CC2D2A: variants seen among roughly 807,000 people sequenced by gnomAD.
CC2D2A encodes the protein coiled-coil and C2 domain containing 2A, also known as coiled-coil and C2 domain-containing protein 2A.
Under a neutral mutation model 212.9 loss-of-function variants are expected in CC2D2A, and 155 were observed. The observed-to-expected ratio is 0.73, with a 90% confidence interval of 0.64 to 0.83. The LOEUF is 0.83. Ranked by LOEUF, CC2D2A falls within the 40% of genes least tolerant of loss-of-function variation. CC2D2A has a pLI of 0.00. For missense variants in CC2D2A, 1,856 were observed against 1,956.2 expected (o/e 0.95, Z 0.97); for synonymous variants, 667 against 686.5 (o/e 0.97, Z 0.44).
At position 15,523,807 on chromosome 4, in the gene CC2D2A, A is replaced by G. The variant is rs993053590; in HGVS notation, c.1150-3640A>G. Among the ~76,000 whole-genome samples the G allele has an allele frequency of 3.9e-5, 6 of 152,322 alleles. No homozygotes were observed. In the East Asian group the frequency reaches 1.2e-3, roughly 29 times the overall value. Reference sequence around the variant, plus strand: ...GCAGGCATGACAGAATTCTCTACACATAAGGGGATGTGTCCTTTGATAGCC... The same window carrying G: ...GCAGGCATGACAGAATTCTCTACACGTAAGGGGATGTGTCCTTTGATAGCC... On this transcript the variant is annotated intron_variant, in intron 11 of 36. Coordinates refer to ENST00000424120, the MANE Select transcript of CC2D2A (RefSeq NM_001378615.1).
intron 36 of CC2D2A, 110 bp downstream of exon 36, chr4:15,599,816 C>T (rs1171913272): frequency 7.9e-6 from 6 of 761,712 alleles, no homozygotes; most frequent in Middle Eastern, 3.1e-4. Flanking sequence ...CCCAGAAGTA[C>T]ATATTTAAAG....
chr4:15,536,259 G>A (rs921314806), intron 14 of CC2D2A, among the ~76,000 whole-genome samples: 1 of 143,108 alleles, frequency 7.0e-6, no homozygotes, highest in Non-Finnish European at 1.5e-5. Flanking sequence ...ATTGAACAAT[G>A]AGAACACGTG....
At chr4:15,500,107 G>GACA (rs1553823472) in intron 4 of CC2D2A, among the ~76,000 whole-genome samples, 29 of 112,920 alleles carry the variant, frequency 2.6e-4, no homozygotes, top group African/African-American at 1.0e-3. Flanking sequence ...GTGTGTGTGT[G>GACA]TATATATATA....
rs1190474273 is a variant in CC2D2A at position 15,514,815 on chromosome 4, C to T, written c.826C>T (p.His276Tyr). 1 of 1,613,920 alleles carries T rather than the reference C, an allele frequency of 6.2e-7. No individual in the cohort carries two copies. Residue 276 changes from histidine to tyrosine, a missense_variant, in exon 9 of 37, where the codon CAT (histidine) becomes TAT (tyrosine). Transcript: ENST00000424120. The part of the protein sequence containing the change: ...AVRPADYESI[H>Y]DRLQMEREML... ...CAGACCTGCAGATTATGAAAGCATC[C>T]ATGATCGGCTGCAGATGGAAAGAGA... is the stretch of plus-strand genomic sequence containing the variant.
intron 4 of CC2D2A, among the ~76,000 whole-genome samples, chr4:15,490,181 T>C (rs1394597123): frequency 3.3e-5 from 5 of 152,202 alleles, no homozygotes; most frequent in African/African-American, 1.2e-4. Context: ...AATTCACCCA[T>C]TGTTAGTGTA....
intron 34 of CC2D2A, 118 bp from the exon 35 acceptor site, chr4:15,597,289 T>C: frequency 2.7e-6 from 2 of 751,630 alleles, no homozygotes; most frequent in South Asian, 1.6e-5. Flanking sequence ...CAGCATGCAT[T>C]ATATTATTTT....
chr4:15,580,630 T>C (rs903824897), intron 30 of CC2D2A, among the ~76,000 whole-genome samples: 3 of 105,812 alleles, frequency 2.8e-5, no homozygotes, highest in African/African-American at 1.1e-4. Flanking sequence ...AGAGCAAGAC[T>C]CTGTCTCAAA....
intron 6 of CC2D2A, among the ~76,000 whole-genome samples, chr4:15,504,771 G>C (rs1306425855): frequency 6.6e-6 from 1 of 152,120 alleles, no homozygotes; most frequent in East Asian, 1.9e-4. Flanking sequence ...AACATCAACT[G>C]CTTTGTCTTT....
At chr4:15,503,526 A>G (rs899846673) in intron 6 of CC2D2A, among the ~76,000 whole-genome samples, 1 of 152,220 alleles carries the variant, frequency 6.6e-6, no homozygotes, top group African/African-American at 2.4e-5. Flanking sequence ...TCCCAGCTCT[A>G]TATCATTTCC....
At chr4:15,593,752 G>A (rs941012307) in intron 33 of CC2D2A, among the ~76,000 whole-genome samples, 7 of 152,010 alleles carry the variant, frequency 4.6e-5, no homozygotes, top group Admixed American at 2.0e-4. Context: ...TATACCCAGC[G>A]TCCAACCACA....
At chr4:15,484,378 G>T (rs1000520715) in intron 4 of CC2D2A, among the ~76,000 whole-genome samples, 5 of 152,194 alleles carry the variant, frequency 3.3e-5, no homozygotes, top group Admixed American at 3.3e-4. Flanking sequence ...AGCCTAGTGG[G>T]CCCTTTGACT....
At chr4:15,494,165 C>T (rs2108989712) in intron 4 of CC2D2A, among the ~76,000 whole-genome samples, 1 of 152,314 alleles carries the variant, frequency 6.6e-6, no homozygotes. Flanking sequence ...TTTGGAGCCT[C>T]ATGCCCTGTG....
intron 13 of CC2D2A, 42 bp from the exon 14 acceptor site, chr4:15,533,151 C>T (rs781706261): frequency 2.0e-6 from 3 of 1,508,226 alleles, no homozygotes; most frequent in Non-Finnish European, 2.7e-6. Context: ...GCAAACACAC[C>T]TGACTTTTTA....
Position 15,580,113 on chromosome 4 carries a change from C to G in CC2D2A, c.3917C>G (p.Pro1306Arg). ...KTVFITRYLK[P>R]LNPPQELLNV... ...GTTTTTATCACACGTTATCTCAAAC[C>G]TTTAAACCCTCCTCAGGAGCTCCTT... is the stretch of plus-strand genomic sequence containing the variant. Residue 1306 changes from proline to arginine, a missense_variant, in exon 30 of 37, where the codon CCT (proline) becomes CGT (arginine). This residue lies in a region of CC2D2A where 20 missense variants were observed against 46.9 expected (regional missense o/e 0.43). Transcript: ENST00000424120. 6.2e-6 allele frequency: 10 copies of G among 1,613,868 alleles called. No homozygotes were observed. The highest frequency in any genetic ancestry group is 8.5e-6 in the Non-Finnish European group (10 of 1,179,846).
chr4:15,601,109 C>G, intron 36 of CC2D2A, 128 bp from the exon 37 acceptor site: 1 of 766,296 alleles, frequency 1.3e-6, no homozygotes, highest in Non-Finnish European at 2.1e-6. Context: ...TAATAAAAAG[C>G]TGAGTAGAAA....
intron 11 of CC2D2A, among the ~76,000 whole-genome samples, chr4:15,526,475 A>T (rs779015492): frequency 2.0e-5 from 3 of 152,206 alleles, no homozygotes; most frequent in Admixed American, 6.5e-5. Flanking sequence ...TTTGCTGAAC[A>T]TGTTACCCAT....
intron 6 of CC2D2A, among the ~76,000 whole-genome samples, chr4:15,509,533 C>T (rs995151568): frequency 3.9e-5 from 6 of 152,174 alleles, no homozygotes; most frequent in African/African-American, 1.4e-4. Flanking sequence ...CTCGGCCTCC[C>T]AAAGTGCTGG....
chr4:15,555,519 G>T (rs866252722), intron 20 of CC2D2A, among the ~76,000 whole-genome samples: 1 of 152,132 alleles, frequency 6.6e-6, no homozygotes, highest in Non-Finnish European at 1.5e-5. Flanking sequence ...AAGGAGGATC[G>T]CTTGAGCCCA....
Position 15,601,241 on chromosome 4 carries a change from C to T in CC2D2A, c.4679C>T (p.Ser1560Phe), listed in dbSNP as rs1420190280. The T allele has an allele frequency of 3.1e-6, 5 of 1,611,750 alleles. No homozygotes were observed. The highest frequency in any genetic ancestry group is 2.7e-5 in the African/African-American group (2 of 74,884). ...ACAAATGTTTTTTCCCTTCAGTTCTCTGGATTTCCTCTTCACATGCCTTAT... is the reference window on the plus strand; with the variant it reads ...ACAAATGTTTTTTCCCTTCAGTTCTTTGGATTTCCTCTTCACATGCCTTAT... ...LLKQLGDYRF[S>F]GFPLHMPYSE... is the part of the protein sequence containing the mutation. The change falls in exon 37 of 37, where the codon TCT becomes TTT. Residue 1560 changes from serine to phenylalanine, a missense_variant. Physicochemically the swap from Ser to Phe is radical, Grantham distance 155. This residue lies in a region of CC2D2A where 285 missense variants were observed against 278.4 expected (regional missense o/e 1.02). Transcript: ENST00000424120.
Sources: allele counts gnomAD v4.1 joint callset (sites outside exome capture counted in the v4.1 genomes callset), GRCh38; gene constraint gnomAD v4.1.1; regional missense constraint gnomAD v4.1.1; transcripts MANE v1.5; gene names NCBI Gene and HGNC (gene_info 2026-07-23, HGNC 2026-07-21).